The following TMEM131L variants were observed in gnomAD, a reference collection of about 807,000 sequenced individuals.
TMEM131L encodes the protein transmembrane protein 131-like.
Under a neutral mutation model 192.2 loss-of-function variants are expected in TMEM131L, and 54 were observed. The ratio of observed to expected loss-of-function variants is 0.28; its 90% CI spans 0.23 to 0.35. The LOEUF is 0.35. Ranked by LOEUF, TMEM131L falls within the 10% of genes least tolerant of loss-of-function variation. The pLI is 1.00. For missense variants in TMEM131L, 1,888 were observed against 1,972.9 expected (o/e 0.96, Z 0.82); for synonymous variants, 701 against 704.9 (o/e 0.99, Z 0.09).
intron 7 of TMEM131L, among the ~76,000 whole-genome samples, chr4:153,570,549 C>G (rs1346302330): frequency 6.6e-6 from 1 of 152,186 alleles, no homozygotes; most frequent in African/African-American, 2.4e-5. Flanking sequence ...TATAAATTTG[C>G]CTGGCGGTAG....
intron 2 of TMEM131L, among the ~76,000 whole-genome samples, chr4:153,472,659 G>A (rs1195387050): frequency 1.3e-5 from 2 of 152,222 alleles, no homozygotes; most frequent in Admixed American, 1.3e-4. Flanking sequence ...TACATGTTGT[G>A]TGGTGGCAAT....
At position 153,524,237 on chromosome 4, in the gene TMEM131L, TC is replaced by T. The variant is rs573050445; in HGVS notation, c.240-25833del. 5.5e-4 allele frequency among the ~76,000 whole-genome samples: 83 copies of T among 152,012 alleles called. 1 individual carries two copies. The highest frequency in any genetic ancestry group is 1.7e-3 in the African/African-American group (69 of 41,424). On this transcript the variant is annotated intron_variant, in intron 3 of 34. Coordinates refer to ENST00000409959, the MANE Select transcript of TMEM131L (RefSeq NM_001131007.2). The stretch of plus-strand genomic sequence containing the variant: ...CTCAGAGCTTTGCATTCTCAGGAGT[TC>T]CCTTCCAGGGCATGTAGCCCAAGGA...
At chr4:153,590,955 A>G in intron 16 of TMEM131L, 98 bp from the exon 17 acceptor site, 1 of 754,266 alleles carries the variant, frequency 1.3e-6, no homozygotes, top group South Asian at 3.7e-5. Context: ...TTAAGTGGGA[A>G]TAGTATTTAG....
intron 25 of TMEM131L, among the ~76,000 whole-genome samples, chr4:153,610,486 C>G (rs1251043892): frequency 1.3e-5 from 2 of 152,054 alleles, no homozygotes; most frequent in Non-Finnish European, 2.9e-5. Flanking sequence ...GGGATAGAGC[C>G]CCTTTTTCTG....
At chr4:153,574,864 A>G (rs553164151) in intron 7 of TMEM131L, among the ~76,000 whole-genome samples, 1 of 152,330 alleles carries the variant, frequency 6.6e-6, no homozygotes, top group Non-Finnish European at 1.5e-5. Flanking sequence ...CCGAGATTAC[A>G]GGTGTGAGCC....
In TMEM131L at chr4:153,557,052, T is replaced by A. The variant is rs1470050260; in HGVS notation, c.519T>A (p.Asn173Lys). Residue 173 changes from asparagine (N) to lysine (K), a missense_variant, in exon 6 of 35, where the codon AAT (asparagine) becomes AAA (lysine). Physicochemically the swap from Asn to Lys is moderately conservative, Grantham distance 94. Coordinates refer to ENST00000409959, the MANE Select transcript of TMEM131L (RefSeq NM_001131007.2). Reference protein sequence around the residue: ...EGSIESSLFINTSSYGVLSYH... With the variant: ...EGSIESSLFIKTSSYGVLSYH... ...GCATTGAAAGTTCCTTATTTATTAA[T>A]ACCTCTTCGTATGGAGTCCTTTCCT... 1 of 1,544,422 alleles carries A rather than the reference T, an allele frequency of 6.5e-7. No homozygotes were observed. The highest frequency in any genetic ancestry group is 1.7e-5 in the Admixed American group (1 of 59,330).
At chr4:153,582,430 G>T (rs28610347) in intron 9 of TMEM131L, among the ~76,000 whole-genome samples, 1,513 of 38,018 alleles carry the variant, frequency 0.04, 139 homozygotes, top group African/African-American at 0.16. Context: ...GTTTTTTTTT[G>T]TTGTTTTTTT....
At chr4:153,479,618 G>T (rs1443268333) in intron 3 of TMEM131L, among the ~76,000 whole-genome samples, 1 of 152,060 alleles carries the variant, frequency 6.6e-6, no homozygotes, top group Non-Finnish European at 1.5e-5. Context: ...TACTGTCTAG[G>T]TACAATGTCT....
In TMEM131L at chr4:153,636,663, T is replaced by C. The variant is rs1734603437; in HGVS notation, c.*87T>C. On this transcript the variant is annotated 3_prime_UTR_variant, in exon 35 of 35. Coordinates refer to ENST00000409959, the MANE Select transcript of TMEM131L (RefSeq NM_001131007.2). Reference sequence around the variant, plus strand: ...CTGGTTATTGAGATAGATTATGACATTGGTGGATATTTTGGCACTTTTATA... The same window carrying C: ...CTGGTTATTGAGATAGATTATGACACTGGTGGATATTTTGGCACTTTTATA... 1 of 1,337,248 alleles carries C rather than the reference T, an allele frequency of 7.5e-7. No homozygotes were observed. Among genetic ancestry groups the C allele is most frequent in the South Asian group, 1.4e-5 (1 of 69,300 alleles). 82.8% of individuals were successfully genotyped at this position (1,337,248 alleles called of 1,614,324 possible).
intron 3 of TMEM131L, among the ~76,000 whole-genome samples, chr4:153,514,684 C>T (rs1226650767): frequency 6.6e-6 from 1 of 151,600 alleles, no homozygotes; most frequent in Admixed American, 6.6e-5. Context: ...AAGTGTAATG[C>T]CTGTTAAAAA....
intron 26 of TMEM131L, among the ~76,000 whole-genome samples, chr4:153,619,532 A>G (rs1407913722): frequency 6.6e-6 from 1 of 152,230 alleles, no homozygotes; most frequent in Non-Finnish European, 1.5e-5. Context: ...ACAAAGGTGT[A>G]TAAAGGAGAA....
At chr4:153,496,723 A>AT (rs1167260281) in intron 3 of TMEM131L, among the ~76,000 whole-genome samples, 9 of 150,910 alleles carry the variant, frequency 6.0e-5, no homozygotes, top group Middle Eastern at 3.2e-3. Flanking sequence ...AATTTTGTTT[A>AT]TTTTTTTTGT....
chr4:153,559,200 G>T (rs1728690851), intron 7 of TMEM131L, among the ~76,000 whole-genome samples: 1 of 152,110 alleles, frequency 6.6e-6, no homozygotes, highest in Admixed American at 6.5e-5. Context: ...TTGGGGAGAA[G>T]AACCAAATTA....
intron 3 of TMEM131L, among the ~76,000 whole-genome samples, chr4:153,523,233 A>G (rs566461425): frequency 3.3e-5 from 5 of 152,352 alleles, no homozygotes; most frequent in East Asian, 3.9e-4. Context: ...TTGGCAAGCC[A>G]TGTTATTTAA....
At chr4:153,635,826 G>A (rs1221650212) in intron 34 of TMEM131L, among the ~76,000 whole-genome samples, 3 of 152,170 alleles carry the variant, frequency 2.0e-5, no homozygotes, top group Non-Finnish European at 4.4e-5. Context: ...AACACACCAA[G>A]CAATGGTCCT....
At chr4:153,619,942 G>T (rs184492654) in intron 26 of TMEM131L, among the ~76,000 whole-genome samples, 1 of 152,318 alleles carries the variant, frequency 6.6e-6, no homozygotes, top group Admixed American at 6.5e-5. Context: ...GAAGAGTTGT[G>T]TCTTTTAAGC....
At chr4:153,572,130 G>T (rs1328069149) in intron 7 of TMEM131L, among the ~76,000 whole-genome samples, 1 of 151,830 alleles carries the variant, frequency 6.6e-6, no homozygotes, top group Non-Finnish European at 1.5e-5. Flanking sequence ...AATGTGTAAC[G>T]ATCCACTCAG....
At position 153,629,395 on chromosome 4, in the gene TMEM131L, A is replaced by T. The variant is rs567733421; in HGVS notation, c.4207+1708A>T. ...ATTGTCAGTGCAGCCCTTCTCTCCA[A>T]GGGTATTACTGCAGATTTCCCTTCT... On this transcript the variant is annotated intron_variant, in intron 31 of 34. Coordinates refer to ENST00000409959, the MANE Select transcript of TMEM131L (RefSeq NM_001131007.2). Among the ~76,000 whole-genome samples, 9 of 152,326 alleles carry T rather than the reference A, an allele frequency of 5.9e-5. No homozygotes were observed. The South Asian group carries it at 1.9e-3, about 32-fold the overall frequency.
chr4:153,467,660 T>A (rs1206490365), intron 2 of TMEM131L, among the ~76,000 whole-genome samples: 1 of 152,256 alleles, frequency 6.6e-6, no homozygotes, highest in Admixed American at 6.5e-5. Flanking sequence ...TTCATAAATG[T>A]TAGAGTGGTA....
Sources: gnomAD v4.1 joint callset for allele counts (sites outside exome capture counted in the v4.1 genomes callset) on GRCh38, gnomAD v4.1.1 for gene constraint, MANE v1.5 for transcripts, NCBI Gene and HGNC (gene_info 2026-07-23, HGNC 2026-07-21) for gene names.